Variants in URI1 observed in about 807,000 individuals in gnomAD.
URI1 encodes URI1 prefoldin like chaperone.
In URI1, 39 loss-of-function variants were observed where a neutral mutation model predicts 60.2. The observed-to-expected ratio is 0.65, with a 90% CI of 0.50 to 0.85. The LOEUF is 0.85. Among genes scored for constraint, URI1 ranks in the 40% least tolerant of loss-of-function variants. The pLI is 0.00. For missense variants in URI1, 691 were observed against 665.9 expected (o/e 1.04, Z -0.42); for synonymous variants, 251 against 236.8 (o/e 1.06, Z -0.55).
At chr19:29,975,480 C>T (rs543628856) in intron 2 of URI1, among the ~76,000 whole-genome samples, 7 of 150,242 alleles carry the variant, frequency 4.7e-5, no homozygotes, top group African/African-American at 1.7e-4. Context: ...ACTTTGTCCC[C>T]TAATTCTCAG....
At chr19:29,978,626 G>T (rs1489404989) in intron 2 of URI1, among the ~76,000 whole-genome samples, 2 of 152,086 alleles carry the variant, frequency 1.3e-5, no homozygotes, top group East Asian at 3.9e-4. Flanking sequence ...ATAATCCTGA[G>T]TGCTTGTTCT....
At position 30,011,331 on chromosome 19, in the gene URI1, G is replaced by T. The variant is rs970605780; in HGVS notation, c.1178+95G>T. On this transcript the variant is annotated intron_variant, in intron 9 of 10. Transcript: ENST00000392271. Reference sequence around the variant, plus strand: ...GGAGAAAGTTGACTGTAACACAGAAGACCCTCACTGAAAAGTGAAGTGTTC... The same window carrying T: ...GGAGAAAGTTGACTGTAACACAGAATACCCTCACTGAAAAGTGAAGTGTTC... 1.6e-5 allele frequency: 23 copies of T among 1,449,818 alleles called. No individual in the cohort carries two copies. The African/African-American group carries it at 2.8e-4, about 17-fold the overall frequency. 89.8% of individuals were successfully genotyped at this position (1,449,818 alleles called of 1,614,324 possible).
intron 1 of URI1, among the ~76,000 whole-genome samples, chr19:29,955,387 A>C (rs1356655921): frequency 6.6e-6 from 1 of 152,138 alleles, no homozygotes; most frequent in Non-Finnish European, 1.5e-5. Context: ...TGCCTCAGTA[A>C]ATCACTTTAT....
chr19:29,993,979 C>G (rs940412114), intron 4 of URI1, among the ~76,000 whole-genome samples: 11 of 151,990 alleles, frequency 7.2e-5, no homozygotes, highest in Non-Finnish European at 1.6e-4. Flanking sequence ...TCTATTTAGC[C>G]AGTCCTTTAC....
chr19:30,011,047 G>A (rs1351928279), intron 8 of URI1, 47 bp from the exon 9 acceptor site: 2 of 1,577,144 alleles, frequency 1.3e-6, no homozygotes, highest in Non-Finnish European at 1.7e-6. Flanking sequence ...GTTTCACTTT[G>A]ATTTAATTTG....
chr19:29,996,551 T>TA (rs1188433802), intron 4 of URI1, among the ~76,000 whole-genome samples: 1 of 152,078 alleles, frequency 6.6e-6, no homozygotes, highest in Non-Finnish European at 1.5e-5. Flanking sequence ...CATATGTTGG[T>TA]AGTAGAGAGA....
At chr19:29,931,303 C>T (rs1013618930) in intron 1 of URI1, among the ~76,000 whole-genome samples, 2 of 152,100 alleles carry the variant, frequency 1.3e-5, no homozygotes, top group African/African-American at 4.8e-5. Flanking sequence ...TTCCTCACAG[C>T]TCTGGAAACT....
At position 29,947,433 on chromosome 19, in the gene URI1, C is replaced by G. The variant is rs2055116381; in HGVS notation, c.117+4769C>G. On this transcript the variant is annotated intron_variant, in intron 1 of 10. Coordinates refer to ENST00000392271, the MANE Select transcript of URI1 (RefSeq NM_003796.3). ...CATGGCGTGTTTGTGTCTTCAGTTC[C>G]ACTTAGAATGCTTTTTCTAAGGTGG... 2.0e-5 allele frequency among the ~76,000 whole-genome samples: 3 copies of G among 152,190 alleles called. 1 individual carries two copies. The South Asian group carries it at 6.2e-4, about 31-fold the overall frequency.
chr19:29,942,270 T>G lies in URI1; in HGVS notation c.-278T>G. ...GGAGGCGCGGCCGCCACGCGACGCCTGGCTGGGCCCGCACCGGAGAGGCGT... is the reference window on the plus strand; with the variant it reads ...GGAGGCGCGGCCGCCACGCGACGCCGGGCTGGGCCCGCACCGGAGAGGCGT... On this transcript the variant is annotated 5_prime_UTR_variant, in exon 1 of 11. Transcript: ENST00000392271. 4 of 984,466 alleles carry G rather than the reference T, an allele frequency of 4.1e-6. No homozygotes were observed. Among genetic ancestry groups the G allele is most frequent in the Non-Finnish European group, 4.8e-6 (4 of 829,572 alleles). 61.0% of individuals were successfully genotyped at this position (984,466 alleles called of 1,614,324 possible).
At position 30,007,545 on chromosome 19, in the gene URI1, A is replaced by G. The variant is rs35808349; in HGVS notation, c.593A>G (p.Asp198Gly). The G allele has an allele frequency of 1.6e-3, 2,578 of 1,613,536 alleles. 32 individuals are homozygous for G. Among genetic ancestry groups the G allele is most frequent in the South Asian group, 8.8e-3 (799 of 91,066 alleles). ...SDIFEADIAN[D>G]VKSKDLLADK... ...ATTTTTGAAGCAGATATTGCAAATG[A>G]TGTGAAATCCAAGGATTTGCTAGCT... Residue 198 changes from aspartate to glycine, a missense_variant, in exon 7 of 11, where the codon GAT (aspartate) becomes GGT (glycine). Asp to Gly is a moderately conservative substitution (Grantham distance 94). Coordinates refer to ENST00000392271, the MANE Select transcript of URI1 (RefSeq NM_003796.3).
chr19:29,953,038 G>A (rs997405884), intron 1 of URI1, among the ~76,000 whole-genome samples: 6 of 152,058 alleles, frequency 3.9e-5, no homozygotes, highest in Non-Finnish European at 8.8e-5. Flanking sequence ...TCATTGATCC[G>A]TTTTGAGTTA....
chr19:29,933,715 A>T (rs62104553), intron 1 of URI1, among the ~76,000 whole-genome samples: 120,662 of 151,236 alleles, frequency 0.8, 49,760 homozygotes, highest in Non-Finnish European at 0.9. Flanking sequence ...CCAGCTACTC[A>T]GGAGGCCGAG....
Position 30,011,204 on chromosome 19 carries a change from G to A in URI1, c.1146G>A (p.Leu382=), listed in dbSNP as rs761577830. 1 of 1,610,096 alleles carries A rather than the reference G, an allele frequency of 6.2e-7. No individual in the cohort carries two copies. The highest frequency in any genetic ancestry group is 2.2e-5 in the East Asian group (1 of 44,592). ...GCAGTGGCCACTCTGCCCAGGAGCT[G>A]CCGACCATCAGGACGCCTGCAGACA... ...STGSGHSAQE[L]PTIRTPADIY... The change falls in exon 9 of 11, where the codon CTG becomes CTA. Residue 382 remains leucine (L), a synonymous_variant. Coordinates refer to ENST00000392271, the MANE Select transcript of URI1 (RefSeq NM_003796.3).
rs554280227 is a variant in URI1, at chr19:30,008,599, A to G, written c.687-406A>G. On this transcript the variant is annotated intron_variant, in intron 7 of 10. Coordinates refer to ENST00000392271, the MANE Select transcript of URI1 (RefSeq NM_003796.3). ...CTTTATTTTTAAAAATTACAATAAT[A>G]CATGCTCATTGTAAAATATTCTGAG... 2.0e-5 allele frequency among the ~76,000 whole-genome samples: 3 copies of G among 152,224 alleles called. No individual in the cohort carries two copies. The East Asian group carries it at 5.8e-4, about 29-fold the overall frequency.
chr19:29,968,229 A>G (rs1424729833), intron 1 of URI1, among the ~76,000 whole-genome samples: 2 of 152,190 alleles, frequency 1.3e-5, no homozygotes, highest in East Asian at 1.9e-4. Flanking sequence ...AAATAATACA[A>G]TAAGTTTTTT....
chr19:29,996,998 G>A (rs916213804), intron 4 of URI1, among the ~76,000 whole-genome samples: 56 of 152,142 alleles, frequency 3.7e-4, no homozygotes, highest in African/African-American at 1.2e-3. Flanking sequence ...ATGTGCTACC[G>A]TATTTAGTTT....
At chr19:29,941,129 A>C (rs2055018892), upstream of URI1, among the ~76,000 whole-genome samples, 2 of 152,222 alleles carry the variant, frequency 1.3e-5, no homozygotes, top group African/African-American at 4.8e-5. Context: ...AAGCAGAGCA[A>C]GCAGGCACAC....
At chr19:29,941,136 A>T (rs1239854054), upstream of URI1, among the ~76,000 whole-genome samples, 5 of 152,218 alleles carry the variant, frequency 3.3e-5, no homozygotes, top group Non-Finnish European at 7.3e-5. Flanking sequence ...GCAAGCAGGC[A>T]CACCAGGCTG....
At chr19:29,994,063 ATGTGTGTGTGTG>A (rs3053922) in intron 4 of URI1, among the ~76,000 whole-genome samples, 10 of 147,872 alleles carry the variant, frequency 6.8e-5, no homozygotes, top group African/African-American at 2.5e-4. Context: ...CTCTGTGTGT[ATGTGTGTGTGTG>A]TGTGTGTGTA....
Sources: gnomAD v4.1 joint callset for allele counts (sites outside exome capture counted in the v4.1 genomes callset) on GRCh38, gnomAD v4.1.1 for gene constraint, MANE v1.5 for transcripts, NCBI Gene and HGNC (gene_info 2026-07-23, HGNC 2026-07-21) for gene names.